Variants in HPSE2 observed in about 807,000 individuals in gnomAD.
HPSE2 encodes heparanase 2 (inactive), also known as inactive heparanase-2.
A neutral mutation model predicts 60.5 loss-of-function variants in HPSE2; 38 were observed. The ratio of observed to expected loss-of-function variants is 0.63; its 90% CI spans 0.48 to 0.82. The LOEUF is 0.82. Ranked by LOEUF, HPSE2 falls within the 40% of genes least tolerant of loss-of-function variation. The pLI is 0.00. For synonymous variants in HPSE2, 295 were observed against 293.2 expected (o/e 1.01, Z -0.06); for missense variants, 713 against 740.4 (o/e 0.96, Z 0.43).
At chr10:99,032,608 A>G (rs1200133557) in intron 3 of HPSE2, among the ~76,000 whole-genome samples, 2 of 152,220 alleles carry the variant, frequency 1.3e-5, no homozygotes, top group Non-Finnish European at 2.9e-5. Context: ...TATTGCTGCT[A>G]TAACAAATTA....
intron 3 of HPSE2, among the ~76,000 whole-genome samples, chr10:98,866,540 A>G (rs1952592173): frequency 6.6e-6 from 1 of 152,108 alleles, no homozygotes; most frequent in Non-Finnish European, 1.5e-5. Flanking sequence ...CATAAGAAAC[A>G]TAAAGAAAAC....
intron 6 of HPSE2, among the ~76,000 whole-genome samples, chr10:98,662,828 A>G (rs1283192596): frequency 6.6e-6 from 1 of 152,246 alleles, no homozygotes; most frequent in African/African-American, 2.4e-5. Flanking sequence ...TCAGCATCTA[A>G]TACATGCTTG....
At chr10:98,819,496 A>C (rs528697872) in intron 3 of HPSE2, among the ~76,000 whole-genome samples, 1 of 149,348 alleles carries the variant, frequency 6.7e-6, no homozygotes. Context: ...GGAAAACATC[A>C]TGTGGCCATT....
chr10:99,183,426 A>C (rs1379585694), intron 2 of HPSE2, among the ~76,000 whole-genome samples: 2 of 152,212 alleles, frequency 1.3e-5, no homozygotes, highest in African/African-American at 4.8e-5. Flanking sequence ...TTCTGCTGTT[A>C]AAGCTGGAAA....
chr10:98,638,445 A>AAAAAATT (rs1229114455), intron 7 of HPSE2, among the ~76,000 whole-genome samples: 1 of 152,202 alleles, frequency 6.6e-6, no homozygotes, highest in African/African-American at 2.4e-5. Context: ...ACTCTGTCAC[A>AAAAAATT]AAAAATTAAA....
chr10:98,851,521 A>G (rs940794301), intron 3 of HPSE2, among the ~76,000 whole-genome samples: 8 of 152,192 alleles, frequency 5.3e-5, no homozygotes, highest in Non-Finnish European at 1.2e-4. Flanking sequence ...TTCTTTCTAC[A>G]AAGAGCAAAT....
At chr10:98,972,650 A>G (rs1336627193) in intron 3 of HPSE2, among the ~76,000 whole-genome samples, 7 of 152,102 alleles carry the variant, frequency 4.6e-5, no homozygotes, top group Non-Finnish European at 1.0e-4. Context: ...TGAGTTATTT[A>G]TAAGTTAATA....
chr10:99,035,178 A>T (rs1161226894), intron 3 of HPSE2, among the ~76,000 whole-genome samples: 1 of 152,202 alleles, frequency 6.6e-6, no homozygotes, highest in African/African-American at 2.4e-5. Flanking sequence ...TAACTTTTGG[A>T]CGCTTTTGTA....
At chr10:99,096,200 A>G (rs1005274968) in intron 3 of HPSE2, among the ~76,000 whole-genome samples, 1 of 152,202 alleles carries the variant, frequency 6.6e-6, no homozygotes. Context: ...CTCTTCATTA[A>G]AAATAAATCT....
intron 9 of HPSE2, among the ~76,000 whole-genome samples, chr10:98,548,553 G>A (rs902982813): frequency 1.3e-5 from 2 of 151,956 alleles, no homozygotes; most frequent in South Asian, 2.1e-4. Flanking sequence ...GGAGAGAGAG[G>A]TTGTAGTGAG....
intron 3 of HPSE2, among the ~76,000 whole-genome samples, chr10:99,067,873 A>G (rs1245941579): frequency 5.3e-5 from 8 of 152,098 alleles, no homozygotes; most frequent in Non-Finnish European, 1.2e-4. Context: ...TTTCTATTGC[A>G]TTGTCAGGCT....
intron 3 of HPSE2, among the ~76,000 whole-genome samples, chr10:98,964,931 T>C (rs185167259): frequency 1.0e-3 from 157 of 152,286 alleles, no homozygotes; most frequent in Admixed American, 1.6e-3. Context: ...ATCCATAACA[T>C]TTAATCCTCA....
chr10:98,574,648 A>C (rs1027748274), intron 9 of HPSE2, among the ~76,000 whole-genome samples: 1 of 152,046 alleles, frequency 6.6e-6, no homozygotes, highest in South Asian at 2.1e-4. Context: ...TGCAGCCCTG[A>C]AGCAAAGCCC....
chr10:98,494,407 G>A (rs1162175940), intron 9 of HPSE2, among the ~76,000 whole-genome samples: 1 of 152,210 alleles, frequency 6.6e-6, no homozygotes, highest in African/African-American at 2.4e-5. Context: ...GTGGAATGCT[G>A]AGAAAGATAA....
At chr10:99,027,625 C>T (rs1301518335) in intron 3 of HPSE2, among the ~76,000 whole-genome samples, 2 of 151,948 alleles carry the variant, frequency 1.3e-5, no homozygotes, top group East Asian at 1.9e-4. Context: ...GCCAGGATTA[C>T]CCTGATAACA....
chr10:98,627,610 T>C (rs1255753003), intron 7 of HPSE2, among the ~76,000 whole-genome samples: 1 of 152,236 alleles, frequency 6.6e-6, no homozygotes. Context: ...GAATGAGTTG[T>C]ATTACCTGTC....
rs756523967 is a variant in HPSE2 at position 99,235,548 on chromosome 10, C to T, written c.255G>A (p.Pro85=). ...NENFLSLQLD[P]SIIHDGWLDF... The stretch of plus-strand genomic sequence containing the variant: ...CGAGCCAGCCATCATGAATGATGGA[C>T]GGATCCAGCTGCAGAGAGAGGAAGT... Residue 85 remains proline (P), a synonymous_variant, in exon 1 of 12, where the codon CCG becomes CCA. Transcript: ENST00000370552. 8.7e-6 allele frequency: 14 copies of T among 1,613,910 alleles called. No individual in the cohort carries two copies. The highest frequency in any genetic ancestry group is 1.1e-5 in the Non-Finnish European group (13 of 1,180,026).
At chr10:99,011,083 T>A (rs1290324963) in intron 3 of HPSE2, among the ~76,000 whole-genome samples, 3 of 152,168 alleles carry the variant, frequency 2.0e-5, no homozygotes, top group African/African-American at 2.4e-5. Flanking sequence ...CATCATTTAG[T>A]TCCCATTTGT....
At chr10:99,113,527 T>C (rs1217564848) in intron 3 of HPSE2, among the ~76,000 whole-genome samples, 1 of 152,188 alleles carries the variant, frequency 6.6e-6, no homozygotes, top group Non-Finnish European at 1.5e-5. Flanking sequence ...ATAATTACAT[T>C]ATAAAACAGA....
Sources: allele counts gnomAD v4.1 joint callset (sites outside exome capture counted in the v4.1 genomes callset), GRCh38; gene constraint gnomAD v4.1.1; transcripts MANE v1.5; gene names NCBI Gene and HGNC (gene_info 2026-07-23, HGNC 2026-07-21).